The following ASIC2 variants were observed in gnomAD, a reference collection of about 807,000 sequenced individuals.
ASIC2 encodes acid sensing ion channel subunit 2.
ASIC2 carries 25 observed loss-of-function variants against 57.3 expected under a neutral mutation model. The observed-to-expected ratio is 0.44, with a 90% CI of 0.32 to 0.61. The LOEUF is 0.61. ASIC2 is among the 20% of genes least tolerant of loss of function. The pLI is 0.06. For synonymous variants in ASIC2, 319 were observed against 307.5 expected, an observed-to-expected ratio of 1.04 and a Z score of -0.39; for missense variants, 641 against 738.1, an observed-to-expected ratio of 0.87 and a Z score of 1.52.
chr17:33,459,069 T>G (rs1160174202), intron 1 of ASIC2, among the ~76,000 whole-genome samples: 1 of 151,870 alleles, frequency 6.6e-6, no homozygotes, highest in Non-Finnish European at 1.5e-5. Flanking sequence ...GTGACCGCAT[T>G]ACCTTCGTTT....
At chr17:34,023,305 C>G (rs978722755) in intron 1 of ASIC2, among the ~76,000 whole-genome samples, 1 of 151,910 alleles carries the variant, frequency 6.6e-6, no homozygotes, top group Non-Finnish European at 1.5e-5. Context: ...ATTCTTGGCT[C>G]TTTAGGATAC....
At chr17:33,199,154 CG>C (rs1368871535) in intron 1 of ASIC2, among the ~76,000 whole-genome samples, 2 of 152,166 alleles carry the variant, frequency 1.3e-5, no homozygotes, top group African/African-American at 4.8e-5. Flanking sequence ...ATAACCATTT[CG>C]GGCATCAAAC....
chr17:33,579,747 A>C (rs1392042752), intron 1 of ASIC2, among the ~76,000 whole-genome samples: 9 of 152,170 alleles, frequency 5.9e-5, no homozygotes, highest in African/African-American at 1.9e-4. Flanking sequence ...CAAACACTAA[A>C]CAGCAGCAAA....
intron 1 of ASIC2, among the ~76,000 whole-genome samples, chr17:33,370,736 AG>A (rs1444017854): frequency 6.6e-6 from 1 of 152,210 alleles, no homozygotes; most frequent in African/African-American, 2.4e-5. Flanking sequence ...GTAGGAAAGC[AG>A]GATTTGGAAA....
At chr17:33,888,181 A>G (rs1914875048) in intron 1 of ASIC2, among the ~76,000 whole-genome samples, 1 of 152,162 alleles carries the variant, frequency 6.6e-6, no homozygotes, top group African/African-American at 2.4e-5. Context: ...GGTTAAACAG[A>G]TGGTAGTGTG....
chr17:33,430,890 C>A (rs947857014), intron 1 of ASIC2, among the ~76,000 whole-genome samples: 17 of 152,110 alleles, frequency 1.1e-4, no homozygotes, highest in African/African-American at 4.1e-4. Context: ...TATTAAATGT[C>A]CATGCACATT....
chr17:34,022,652 A>AAC (rs1254344332), intron 1 of ASIC2, among the ~76,000 whole-genome samples: 130 of 151,772 alleles, frequency 8.6e-4, no homozygotes, highest in African/African-American at 3.1e-3. Context: ...AAAAAAAAAA[A>AAC]CAAAAAAACA....
intron 1 of ASIC2, among the ~76,000 whole-genome samples, chr17:33,502,537 A>G (rs1255711448): frequency 6.6e-6 from 1 of 152,210 alleles, no homozygotes; most frequent in Non-Finnish European, 1.5e-5. Flanking sequence ...GCAATTAGCC[A>G]GTCCATCTGT....
intron 1 of ASIC2, among the ~76,000 whole-genome samples, chr17:33,168,020 A>T (rs115506675): frequency 0.015 from 2,281 of 152,342 alleles, 60 homozygotes; most frequent in African/African-American, 0.05. Flanking sequence ...TAATGCCAAT[A>T]TTGCAGAATT....
At chr17:34,128,176 G>A (rs1008120473) in intron 1 of ASIC2, among the ~76,000 whole-genome samples, 1 of 152,196 alleles carries the variant, frequency 6.6e-6, no homozygotes, top group Non-Finnish European at 1.5e-5. Context: ...CCCAGGTCAT[G>A]GGTGTGAATA....
At chr17:34,000,047 ATTG>A (rs1006560528) in intron 1 of ASIC2, among the ~76,000 whole-genome samples, 19 of 149,702 alleles carry the variant, frequency 1.3e-4, no homozygotes, top group Middle Eastern at 3.5e-3. Flanking sequence ...TGAAAGTGTT[ATTG>A]TTGTTTTTTT....
intron 6 of ASIC2, 137 bp from the exon 7 acceptor site, chr17:33,021,447 G>A (rs1311852565): frequency 1.4e-6 from 1 of 690,104 alleles, no homozygotes; most frequent in Non-Finnish European, 2.4e-6. Flanking sequence ...GTTAGAGCTG[G>A]TTAGTGGCAG....
chr17:34,075,181 C>T (rs1909588635), intron 1 of ASIC2, among the ~76,000 whole-genome samples: 1 of 152,164 alleles, frequency 6.6e-6, no homozygotes, highest in African/African-American at 2.4e-5. Flanking sequence ...GCTTCATAGG[C>T]TCGGTGAGCC....
chr17:33,124,223 G>A (rs2092314333), intron 1 of ASIC2, among the ~76,000 whole-genome samples: 3 of 152,332 alleles, frequency 2.0e-5, no homozygotes, highest in Middle Eastern at 3.4e-3. Flanking sequence ...AGCTGGTCTT[G>A]GAGATTGAGT....
intron 1 of ASIC2, among the ~76,000 whole-genome samples, chr17:33,982,380 T>C (rs975373987): frequency 2.6e-5 from 4 of 152,220 alleles, no homozygotes; most frequent in Non-Finnish European, 4.4e-5. Context: ...GGTTTCTTAA[T>C]GGGCCTGGGG....
intron 1 of ASIC2, among the ~76,000 whole-genome samples, chr17:33,718,150 T>C (rs943947020): frequency 6.6e-6 from 1 of 151,942 alleles, no homozygotes; most frequent in African/African-American, 2.4e-5. Context: ...CCTACACACA[T>C]GCTCCTGTAT....
At chr17:34,018,744 C>A (rs983093041) in intron 1 of ASIC2, among the ~76,000 whole-genome samples, 1 of 152,176 alleles carries the variant, frequency 6.6e-6, no homozygotes, top group Non-Finnish European at 1.5e-5. Flanking sequence ...AAGAGAACTA[C>A]ATTTAGAAGT....
intron 1 of ASIC2, among the ~76,000 whole-genome samples, chr17:33,140,928 A>G (rs1316469184): frequency 6.6e-6 from 1 of 152,268 alleles, no homozygotes; most frequent in South Asian, 2.1e-4. Context: ...GAACCACAAG[A>G]CATGGACACA....
chr17:33,551,124 T>C (rs1567647411), intron 1 of ASIC2, among the ~76,000 whole-genome samples: 1 of 152,224 alleles, frequency 6.6e-6, no homozygotes, highest in Non-Finnish European at 1.5e-5. Context: ...AAAACAATCA[T>C]ATGCAAACCT....
Sources: allele counts gnomAD v4.1 joint callset (sites outside exome capture counted in the v4.1 genomes callset), GRCh38; gene constraint gnomAD v4.1.1; transcripts MANE v1.5; gene names NCBI Gene and HGNC (gene_info 2026-07-23, HGNC 2026-07-21).